Variants in DUSP16 observed in about 807,000 individuals in gnomAD.
The protein encoded by DUSP16 is dual specificity phosphatase 16.
DUSP16 carries 21 observed loss-of-function variants against 58.3 expected under a neutral mutation model. The ratio of observed to expected loss-of-function variants is 0.36; its 90% CI spans 0.26 to 0.52. The LOEUF (loss-of-function observed/expected upper bound fraction) is 0.52, where lower values mean the gene tolerates loss of function less well. DUSP16 is among the 20% of genes least tolerant of loss of function. The probability of loss-of-function intolerance (pLI) is 0.94; values close to 1 mark genes in which losing one functional copy is unlikely to be tolerated. For missense variants in DUSP16, 726 were observed against 819.0 expected (o/e 0.89, Z 1.39); for synonymous variants, 320 against 323.8 (o/e 0.99, Z 0.12).
intron 3 of DUSP16, among the ~76,000 whole-genome samples, chr12:12,504,126 C>A (rs1943950490): frequency 6.6e-6 from 1 of 152,200 alleles, no homozygotes; most frequent in Non-Finnish European, 1.5e-5. Flanking sequence ...GTTCTTGTAA[C>A]AATAAATGTT....
chr12:12,540,345 A>G (rs1197583601), intron 1 of DUSP16, among the ~76,000 whole-genome samples: 3 of 152,086 alleles, frequency 2.0e-5, no homozygotes, highest in African/African-American at 4.8e-5. Flanking sequence ...ATATAAAAAT[A>G]TAAATTAAAA....
intron 1 of DUSP16, 48 bp from the exon 2 acceptor site, chr12:12,521,511 G>C: frequency 1.1e-6 from 1 of 884,626 alleles, no homozygotes; most frequent in Non-Finnish European, 1.4e-6. Context: ...GTCAAAAAAA[G>C]AAGAAAGAGT....
intron 1 of DUSP16, among the ~76,000 whole-genome samples, chr12:12,531,636 C>T (rs1027983721): frequency 5.9e-5 from 9 of 152,198 alleles, no homozygotes; most frequent in Non-Finnish European, 1.3e-4. Flanking sequence ...TTTGGGAGGC[C>T]GAGGTGGGTG....
At chr12:12,511,310 G>A (rs1473308682) in intron 3 of DUSP16, among the ~76,000 whole-genome samples, 1 of 152,036 alleles carries the variant, frequency 6.6e-6, no homozygotes, top group East Asian at 1.9e-4. Flanking sequence ...GAGATGACAG[G>A]TATTGCAGCC....
rs1944794160 is a variant in DUSP16 at position 12,555,539 on chromosome 12, T to C, written c.-366+6578A>G. Among the ~76,000 whole-genome samples, 3 of 152,354 alleles carry C rather than the reference T, an allele frequency of 2.0e-5. No individual in the cohort carries two copies. The South Asian group carries it at 6.2e-4, about 32-fold the overall frequency. On this transcript the variant is annotated intron_variant, in intron 1 of 6. Transcript: ENST00000298573. ...TCTACACATCTTTCCCCATTTATTT[T>C]AAGAGAAATAATGGATATATTAAAT...
At chr12:12,551,252 A>G (rs1944721609) in intron 1 of DUSP16, among the ~76,000 whole-genome samples, 1 of 152,044 alleles carries the variant, frequency 6.6e-6, no homozygotes, top group African/African-American at 2.4e-5. Flanking sequence ...CTGTAACCCC[A>G]GCACCTCGGG....
chr12:12,486,891 A>G (rs1472486986), intron 5 of DUSP16, 137 bp downstream of exon 5: 1 of 976,104 alleles, frequency 1.0e-6, no homozygotes, highest in Non-Finnish European at 1.5e-6. Flanking sequence ...AGTAAGCTGC[A>G]CCACGTGCTG....
chr12:12,476,863 C>T lies in DUSP16; in HGVS notation c.1968G>A (p.Ser656=), dbSNP rs145539846. ...AGACCTCAATGATTTCCATGCTGCC[C>T]GAAAAGCTAGACTGACTGCCCACTT... The part of the protein sequence containing the change: ...LGKVGSQSSF[S]GSMEIIEVS The change falls in exon 7 of 7, where the codon TCG becomes TCA. Residue 656 remains serine, a synonymous_variant. Transcript: ENST00000298573. The T allele has an allele frequency of 1.6e-5, 25 of 1,609,694 alleles. No individual in the cohort carries two copies. In the East Asian group the frequency reaches 1.8e-4, roughly 11 times the overall value.
chr12:12,498,399 ATTATTTATTTAT>A (rs145777045), intron 4 of DUSP16, among the ~76,000 whole-genome samples: 14 of 146,768 alleles, frequency 9.5e-5, no homozygotes, highest in South Asian at 4.3e-4. Context: ...TTTATTTTTT[ATTATTTATTTAT>A]TTATTTATTT....
chr12:12,489,746 C>T lies in DUSP16; in HGVS notation c.532-2559G>A, dbSNP rs904204017. ...AAATTGATTTTCCATAGAAAAAATA[C>T]GATGTACACTTCTGACAAGTAAACT... On this transcript the variant is annotated intron_variant, in intron 4 of 6. Coordinates refer to ENST00000298573, the MANE Select transcript of DUSP16 (RefSeq NM_030640.3). Among the ~76,000 whole-genome samples, 5 of 152,214 alleles carry T rather than the reference C, an allele frequency of 3.3e-5. No homozygotes were observed. The East Asian group carries it at 7.7e-4, about 23-fold the overall frequency.
Position 12,562,841 on chromosome 12 carries a change from C to A in DUSP16, c.-1090G>T, listed in dbSNP as rs1436035902. On this transcript the variant is annotated 5_prime_UTR_variant, in exon 1 of 7. Transcript: ENST00000298573. ...GCTCGGGGAGGGGTCAGGTCATGTT[C>A]CCTTCCAGAGTCCGGCGACTCTGAG... Among the ~76,000 whole-genome samples the A allele has an allele frequency of 2.0e-5, 3 of 151,810 alleles. No homozygotes were observed. The highest frequency in any genetic ancestry group is 7.3e-5 in the African/African-American group (3 of 41,362).
At chr12:12,552,969 C>T (rs559760634) in intron 1 of DUSP16, among the ~76,000 whole-genome samples, 171 of 151,916 alleles carry the variant, frequency 1.1e-3, no homozygotes, top group East Asian at 5.8e-3. Context: ...TTAGTAGAGA[C>T]GGGGTTTTAC....
intron 4 of DUSP16, among the ~76,000 whole-genome samples, chr12:12,496,763 A>T (rs1235966561): frequency 6.6e-6 from 1 of 152,262 alleles, no homozygotes; most frequent in African/African-American, 2.4e-5. Context: ...GCATCAGCAG[A>T]TGACTTTTAT....
At chr12:12,558,389 T>G (rs940410311) in intron 1 of DUSP16, among the ~76,000 whole-genome samples, 49 of 152,012 alleles carry the variant, frequency 3.2e-4, no homozygotes, top group Non-Finnish European at 5.7e-4. Context: ...ATTATATGTT[T>G]TTTTTTTTTT....
chr12:12,494,489 G>GAA (rs1172624844), intron 4 of DUSP16, among the ~76,000 whole-genome samples: 13 of 152,168 alleles, frequency 8.5e-5, no homozygotes, highest in African/African-American at 3.1e-4. Context: ...ATACAAAGAG[G>GAA]TATCCGATGA....
intron 1 of DUSP16, among the ~76,000 whole-genome samples, chr12:12,539,819 G>A (rs572646907): frequency 6.6e-6 from 1 of 151,596 alleles, no homozygotes; most frequent in East Asian, 1.9e-4. Flanking sequence ...GGGAGGCCGA[G>A]GCAGGTGGAC....
In DUSP16 at chr12:12,480,218, C is replaced by T. The variant is rs772820997; in HGVS notation, c.815+5G>A. ...CAATCACAGAAGACATTTTCCTGCCCTCACCTGTAAGCTTCATCTAAAGAC... is the reference window on the plus strand; with the variant it reads ...CAATCACAGAAGACATTTTCCTGCCTTCACCTGTAAGCTTCATCTAAAGAC... On this transcript the variant is annotated splice_donor_5th_base_variant and intron_variant, in intron 6 of 6. Transcript: ENST00000298573. 1.5e-5 allele frequency: 24 copies of T among 1,613,432 alleles called. No individual in the cohort carries two copies. The Admixed American group carries it at 3.8e-4, about 26-fold the overall frequency.
intron 4 of DUSP16, among the ~76,000 whole-genome samples, chr12:12,490,897 T>C (rs1316248348): frequency 6.6e-6 from 1 of 152,236 alleles, no homozygotes; most frequent in Non-Finnish European, 1.5e-5. Context: ...TCACATTTCA[T>C]TGGTGTATGT....
rs528142772 is a variant in DUSP16 at position 12,519,584 on chromosome 12, G to A, written c.367+278C>T. The stretch of plus-strand genomic sequence containing the variant: ...GGAAAAAGGCAGACAGAAGCAGCTG[G>A]CTTTGAGCTATCCATATGGGTGTGC... On this transcript the variant is annotated intron_variant, in intron 3 of 6. Coordinates refer to ENST00000298573, the MANE Select transcript of DUSP16 (RefSeq NM_030640.3). Among the ~76,000 whole-genome samples the A allele has an allele frequency of 7.6e-4, 116 of 152,284 alleles. 2 individuals are homozygous for A. Among genetic ancestry groups the A allele is most frequent in the East Asian group, 7.7e-4 (4 of 5,188 alleles).
Sources: allele counts gnomAD v4.1 joint callset (sites outside exome capture counted in the v4.1 genomes callset), GRCh38; gene constraint gnomAD v4.1.1; transcripts MANE v1.5; gene names NCBI Gene and HGNC (gene_info 2026-07-23, HGNC 2026-07-21).